The following HNRNPUL1 variants were observed in gnomAD, a reference collection of about 807,000 sequenced individuals.
HNRNPUL1 encodes the protein heterogeneous nuclear ribonucleoprotein U-like protein 1.
HNRNPUL1 carries 14 observed loss-of-function variants against 108.5 expected under a neutral mutation model. The ratio of observed to expected loss-of-function variants is 0.13; its 90% confidence interval spans 0.09 to 0.20. The LOEUF is 0.20. HNRNPUL1 is among the 10% of genes least tolerant of loss of function. HNRNPUL1 has a pLI of 1.00. For synonymous variants in HNRNPUL1, 422 were observed against 445.2 expected (o/e 0.95, Z 0.66); for missense variants, 804 against 1,168.3 (o/e 0.69, Z 4.55).
intron 1 of HNRNPUL1, 21 bp downstream of exon 1, chr19:41,264,819 G>A: frequency 7.4e-7 from 1 of 1,343,678 alleles, no homozygotes. Flanking sequence ...GCGGGGCGGG[G>A]GCCGGGGAGC....
chr19:41,271,322 C>A (rs1340183615), intron 2 of HNRNPUL1, among the ~76,000 whole-genome samples: 1 of 152,200 alleles, frequency 6.6e-6, no homozygotes, highest in African/African-American at 2.4e-5. Flanking sequence ...AGACATTCAT[C>A]AGGAGCCCTG....
intron 14 of HNRNPUL1, 134 bp downstream of exon 14, chr19:41,306,001 G>T: frequency 1.5e-6 from 1 of 647,296 alleles, no homozygotes; most frequent in East Asian, 2.8e-5. Flanking sequence ...TTCATCTGGT[G>T]CAGCCATTCC....
chr19:41,290,238 A>G (rs2036505919), intron 7 of HNRNPUL1, among the ~76,000 whole-genome samples: 1 of 152,252 alleles, frequency 6.6e-6, no homozygotes, highest in Non-Finnish European at 1.5e-5. Context: ...TCAGTCTGCT[A>G]TCTAATCTCA....
intron 3 of HNRNPUL1, among the ~76,000 whole-genome samples, chr19:41,273,705 G>A (rs1397955462): frequency 6.6e-6 from 1 of 152,092 alleles, no homozygotes; most frequent in African/African-American, 2.4e-5. Context: ...ATCTTTGGGT[G>A]TAAAAAAAGA....
intron 10 of HNRNPUL1, among the ~76,000 whole-genome samples, chr19:41,300,888 A>G (rs1251310231): frequency 1.3e-5 from 2 of 152,240 alleles, no homozygotes; most frequent in Non-Finnish European, 2.9e-5. Flanking sequence ...GGACTGAGGG[A>G]ATAAAAGAAC....
intron 8 of HNRNPUL1, among the ~76,000 whole-genome samples, chr19:41,293,081 CA>C (rs1225333839): frequency 6.6e-6 from 1 of 152,150 alleles, no homozygotes; most frequent in African/African-American, 2.4e-5. Flanking sequence ...ACCTCTCACC[CA>C]GAGCTATCAA....
chr19:41,281,238 A>G lies in HNRNPUL1; in HGVS notation c.962A>G (p.Asp321Gly). The G allele has an allele frequency of 6.2e-7, 1 of 1,614,084 alleles. No homozygotes were observed. The highest frequency in any genetic ancestry group is 1.7e-5 in the Admixed American group (1 of 60,018). The stretch of plus-strand genomic sequence containing the variant: ...AATAGCCGGTTTGAAAACTACGGAG[A>G]CAAGTTTGCAGAGAACGATGTGATT... ...STNSRFENYG[D>G]KFAENDVIGC... The change falls in exon 7 of 15, where the codon GAC becomes GGC. Residue 321 changes from aspartate to glycine, a missense_variant. By Grantham distance (94) the Asp-to-Gly change is moderately conservative. This residue lies in a region of HNRNPUL1 where 174 missense variants were observed against 296.6 expected (regional missense o/e 0.59). Coordinates refer to ENST00000392006, the MANE Select transcript of HNRNPUL1 (RefSeq NM_007040.6).
chr19:41,282,758 C>T (rs1481454560), intron 7 of HNRNPUL1, among the ~76,000 whole-genome samples: 6 of 146,556 alleles, frequency 4.1e-5, no homozygotes, highest in East Asian at 4.0e-4. Flanking sequence ...GGCGGGATCT[C>T]GGCTCACTGC....
At chr19:41,296,474 G>A (rs1369321308) in intron 10 of HNRNPUL1, among the ~76,000 whole-genome samples, 2 of 152,246 alleles carry the variant, frequency 1.3e-5, no homozygotes, top group East Asian at 1.9e-4. Context: ...AGGCTGGGGA[G>A]GAGGGTTCTC....
intron 10 of HNRNPUL1, among the ~76,000 whole-genome samples, chr19:41,298,044 T>A (rs554985003): frequency 2.0e-5 from 3 of 152,166 alleles, no homozygotes; most frequent in African/African-American, 7.2e-5. Flanking sequence ...AGTAAATCTT[T>A]CCTCATCAGC....
rs1486726479 is a variant in HNRNPUL1 at position 41,264,708 on chromosome 19, G to A, written c.205G>A (p.Gly69Ser). The A allele has an allele frequency of 5.9e-6, 9 of 1,533,960 alleles. No homozygotes were observed. Among genetic ancestry groups the A allele is most frequent in the South Asian group, 1.2e-5 (1 of 85,128 alleles). ...CAACGAGGAGGTCGAGACCGAGGGG[G>A]GCTCCGAGCTGGAGGGGACCGCGCA... ...HINEEVETEGGSELEGTAQPP... is the reference protein window; with the variant it reads ...HINEEVETEGSSELEGTAQPP... The change falls in exon 1 of 15, where the codon GGC (glycine) becomes AGC (serine). Residue 69 changes from glycine (G) to serine (S), a missense_variant. This residue lies in a region of HNRNPUL1 where 256 missense variants were observed against 261.6 expected (regional missense o/e 0.98). Coordinates refer to ENST00000392006, the MANE Select transcript of HNRNPUL1 (RefSeq NM_007040.6).
chr19:41,297,611 T>C (rs2036965056), intron 10 of HNRNPUL1, among the ~76,000 whole-genome samples: 1 of 152,190 alleles, frequency 6.6e-6, no homozygotes, highest in African/African-American at 2.4e-5. Flanking sequence ...GGCAAACAAG[T>C]TGCCTTTCTG....
rs1395176661 is a variant in HNRNPUL1 at position 41,306,614 on chromosome 19, A to G, written c.*49A>G. The G allele has an allele frequency of 8.1e-7, 1 of 1,233,124 alleles. No homozygotes were observed. 76.4% of individuals were successfully genotyped at this position (1,233,124 alleles called of 1,614,324 possible). ...GAGGCCCCTGCCGGCTTCCTCCACC[A>G]GCGCCTGCCTCGGCCCCTCCTCTGC... On this transcript the variant is annotated 3_prime_UTR_variant, in exon 15 of 15. Transcript: ENST00000392006.
At chr19:41,264,908 G>C (rs890284865) in intron 1 of HNRNPUL1, 110 bp downstream of exon 1, 22 of 1,341,680 alleles carry the variant, frequency 1.6e-5, no homozygotes, top group African/African-American at 3.1e-5. Context: ...TGAGGATCGG[G>C]GGATCCCGCT....
chr19:41,293,114 G>T (rs1325826181), intron 8 of HNRNPUL1, among the ~76,000 whole-genome samples: 1 of 152,156 alleles, frequency 6.6e-6, no homozygotes, highest in Non-Finnish European at 1.5e-5. Flanking sequence ...CCTTTGGGAA[G>T]ATTTGATTCC....
At chr19:41,289,713 CTTT>C (rs71177710) in intron 7 of HNRNPUL1, among the ~76,000 whole-genome samples, 8 of 119,888 alleles carry the variant, frequency 6.7e-5, no homozygotes, top group South Asian at 2.8e-4. Context: ...TCTCCATGGT[CTTT>C]TTTTTTTTTT....
In HNRNPUL1 at chr19:41,294,203, G is replaced by T. The variant is rs1289920698; in HGVS notation, c.1267-135G>T. The T allele has an allele frequency of 1.1e-6, 1 of 882,642 alleles. No individual in the cohort carries two copies. Among genetic ancestry groups the T allele is most frequent in the Non-Finnish European group, 1.8e-6 (1 of 561,658 alleles). 54.7% of individuals were successfully genotyped at this position (882,642 alleles called of 1,614,324 possible). On this transcript the variant is annotated intron_variant, in intron 8 of 14. Transcript: ENST00000392006. This position sits in a 1 kb window ranked among gnomAD's most constrained non-coding sequence, Gnocchi z 4.3. ...TTGAATCCCGATACCAGTACTGTGA[G>T]GTAGATGGTATTACTGCTTCCGCTT...
At position 41,281,176 on chromosome 19, in the gene HNRNPUL1, C is replaced by T. The variant is rs747685510; in HGVS notation, c.900C>T (p.Phe300=). ...TTCTTCCGTCAGGCGAAGAGCCTTTCTCCTATGGCTATGGAGGCACTGGGA... is the reference window on the plus strand; with the variant it reads ...TTCTTCCGTCAGGCGAAGAGCCTTTTTCCTATGGCTATGGAGGCACTGGGA... The part of the protein sequence containing the change: ...SCSTQLGEEP[F]SYGYGGTGKK... The change falls in exon 7 of 15, where the codon TTC becomes TTT. Residue 300 remains phenylalanine, a synonymous_variant. Coordinates refer to ENST00000392006, the MANE Select transcript of HNRNPUL1 (RefSeq NM_007040.6). 1.9e-6 allele frequency: 3 copies of T among 1,613,766 alleles called. No individual in the cohort carries two copies. The highest frequency in any genetic ancestry group is 2.5e-6 in the Non-Finnish European group (3 of 1,179,626).
At chr19:41,290,345 A>G (rs1031132933) in intron 7 of HNRNPUL1, among the ~76,000 whole-genome samples, 53 of 152,082 alleles carry the variant, frequency 3.5e-4, no homozygotes, top group Non-Finnish European at 1.2e-4. Context: ...AAACACTAAG[A>G]AAAAAAAGAG....
Sources: allele counts gnomAD v4.1 joint callset (sites outside exome capture counted in the v4.1 genomes callset), GRCh38; gene constraint gnomAD v4.1.1; regional missense constraint gnomAD v4.1.1; non-coding constraint Gnocchi (gnomAD v3.1); transcripts MANE v1.5; gene names NCBI Gene and HGNC (gene_info 2026-07-23, HGNC 2026-07-21).